Variants in FHL2 observed in about 807,000 individuals in gnomAD.
The protein encoded by FHL2 is four and a half LIM domains 2.
FHL2 carries 20 observed loss-of-function variants against 32.7 expected under a neutral mutation model. That is an observed-to-expected ratio of 0.61 (90% CI 0.43 to 0.89). The LOEUF is 0.89. FHL2 is among the 40% of genes least tolerant of loss of function. FHL2 has a pLI of 0.00. For synonymous variants in FHL2, 123 were observed against 128.1 expected, an observed-to-expected ratio of 0.96 and a Z score of 0.27; for missense variants, 311 against 358.6, an observed-to-expected ratio of 0.87 and a Z score of 1.07.
intron 2 of FHL2, among the ~76,000 whole-genome samples, chr2:105,393,104 C>T (rs12475649): frequency 0.38 from 57,621 of 151,676 alleles, 11,555 homozygotes; most frequent in Admixed American, 0.5. Context: ...CAGATCCCTA[C>T]AGGTAAAGCC....
At chr2:105,371,512 C>A (rs1681060252) in intron 4 of FHL2, among the ~76,000 whole-genome samples, 1 of 151,210 alleles carries the variant, frequency 6.6e-6, no homozygotes, top group African/African-American at 2.4e-5. Context: ...TCCAGACTTA[C>A]CGCCTCCACA....
intron 1 of FHL2, among the ~76,000 whole-genome samples, chr2:105,406,896 A>G: frequency 6.6e-6 from 1 of 152,088 alleles, no homozygotes; most frequent in Non-Finnish European, 1.5e-5. Context: ...TTATCCTTAG[A>G]CCAAATAAGG....
At chr2:105,412,136 T>A (rs2104656975) in intron 1 of FHL2, among the ~76,000 whole-genome samples, 1 of 152,348 alleles carries the variant, frequency 6.6e-6, no homozygotes, top group East Asian at 1.9e-4. Flanking sequence ...CACACTCATG[T>A]TCATAGCAGC....
At chr2:105,408,385 G>A (rs1430409422) in intron 1 of FHL2, among the ~76,000 whole-genome samples, 1 of 152,168 alleles carries the variant, frequency 6.6e-6, no homozygotes, top group Non-Finnish European at 1.5e-5. Flanking sequence ...GAATTTCCAA[G>A]TCATGTAATC....
intron 6 of FHL2, chr2:105,363,026 C>G: frequency 2.2e-6 from 1 of 448,870 alleles, no homozygotes; most frequent in South Asian, 3.4e-5. Context: ...TAGCGATAAT[C>G]CAACCCAAAG....
intron 1 of FHL2, among the ~76,000 whole-genome samples, chr2:105,418,364 C>T (rs974179690): frequency 1.3e-5 from 2 of 152,026 alleles, no homozygotes; most frequent in Admixed American, 6.6e-5. Flanking sequence ...CTCTCCCCAA[C>T]AGAAACCACT....
intron 5 of FHL2, 56 bp downstream of exon 5, chr2:105,367,514 G>T: frequency 1.3e-6 from 2 of 1,537,028 alleles, no homozygotes; most frequent in South Asian, 1.2e-5. Context: ...GACAGACATG[G>T]ACCATGGAGG....
At chr2:105,379,166 A>G (rs1254028702) in intron 3 of FHL2, among the ~76,000 whole-genome samples, 1 of 152,230 alleles carries the variant, frequency 6.6e-6, no homozygotes, top group African/African-American at 2.4e-5. Flanking sequence ...TTGGGAAGTA[A>G]TTGAACCTCT....
At chr2:105,397,245 C>A (rs1683204365) in intron 1 of FHL2, among the ~76,000 whole-genome samples, 1 of 152,110 alleles carries the variant, frequency 6.6e-6, no homozygotes, top group African/African-American at 2.4e-5. Context: ...GGGGTCAGAT[C>A]TCAGGGCTAC....
At chr2:105,399,578 A>T (rs186634734), upstream of FHL2, 1 of 1,535,810 alleles carries the variant, frequency 6.5e-7, no homozygotes, top group African/African-American at 1.4e-5. Context: ...GGAGGGGACT[A>T]AAGGAAGGTC....
At chr2:105,435,896 T>C (rs1684595533) in intron 1 of FHL2, among the ~76,000 whole-genome samples, 1 of 152,204 alleles carries the variant, frequency 6.6e-6, no homozygotes, top group African/African-American at 2.4e-5. Flanking sequence ...TTCTTCTTAA[T>C]ATCTAATTAT....
intron 3 of FHL2, chr2:105,378,074 C>T (rs527385546): frequency 6.4e-6 from 3 of 471,118 alleles, no homozygotes; most frequent in African/African-American, 2.0e-5. Flanking sequence ...GCCAGTGCTC[C>T]GGTCATTAAG....
chr2:105,424,310 AT>A (rs1314648539), intron 1 of FHL2, among the ~76,000 whole-genome samples: 3 of 152,248 alleles, frequency 2.0e-5, no homozygotes, highest in African/African-American at 7.2e-5. Context: ...AGAAACGCAA[AT>A]CAAAACCACA....
At chr2:105,399,360 C>A, upstream of FHL2, 4 of 1,535,960 alleles carry the variant, frequency 2.6e-6, no homozygotes, top group Non-Finnish European at 2.6e-6. Context: ...GGTCTGCCCA[C>A]GCCGGGATCT....
chr2:105,398,693 T>G, intron 1 of FHL2, 149 bp downstream of exon 1: 17 of 509,248 alleles, frequency 3.3e-5, no homozygotes, highest in East Asian at 7.5e-5. Flanking sequence ...CCTCTCCCCG[T>G]GGTCTCCCCA....
At chr2:105,430,819 C>T (rs532090319) in intron 1 of FHL2, among the ~76,000 whole-genome samples, 11 of 152,216 alleles carry the variant, frequency 7.2e-5, no homozygotes, top group Non-Finnish European at 1.6e-4. Context: ...GAAAAGACTG[C>T]CCCATACAGA....
At chr2:105,394,026 T>C (rs1682930155) in intron 2 of FHL2, among the ~76,000 whole-genome samples, 3 of 152,166 alleles carry the variant, frequency 2.0e-5, no homozygotes, top group Non-Finnish European at 4.4e-5. Flanking sequence ...AAGGCCCTGA[T>C]GTTCTACAGA....
At chr2:105,388,103 T>C (rs995085342) in intron 2 of FHL2, among the ~76,000 whole-genome samples, 1 of 152,050 alleles carries the variant, frequency 6.6e-6, no homozygotes, top group African/African-American at 2.4e-5. Flanking sequence ...GGGGTCTACT[T>C]GAGCGGGGAG....
chr2:105,377,966 T>C lies in FHL2; in HGVS notation c.157-4233A>G, dbSNP rs1681597947. 3 of 443,540 alleles carry C rather than the reference T, an allele frequency of 6.8e-6. No individual in the cohort carries two copies. In the Admixed American group the frequency reaches 7.9e-5, roughly 12 times the overall value. 27.5% of individuals were successfully genotyped at this position (443,540 alleles called of 1,614,324 possible). On this transcript the variant is annotated intron_variant, in intron 3 of 6. Coordinates refer to ENST00000530340, the MANE Select transcript of FHL2 (RefSeq NM_001318895.3). ...GACAAGAGAGGGAAGAGAAATACAA[T>C]TTCTAGAAAATTTGCCTTTTGGGAC...
Sources: allele counts gnomAD v4.1 joint callset (sites outside exome capture counted in the v4.1 genomes callset), GRCh38; gene constraint gnomAD v4.1.1; transcripts MANE v1.5; gene names NCBI Gene and HGNC (gene_info 2026-07-23, HGNC 2026-07-21).